Variants in NPLOC4 observed in about 807,000 individuals in gnomAD.
The protein encoded by NPLOC4 is nuclear protein localization protein 4 homolog.
NPLOC4 carries 18 observed loss-of-function variants against 80.6 expected under a neutral mutation model. The ratio of observed to expected loss-of-function variants is 0.22; its 90% CI spans 0.15 to 0.33. The LOEUF is 0.33. Ranked by LOEUF, NPLOC4 falls within the 10% of genes least tolerant of loss-of-function variation. The probability of loss-of-function intolerance (pLI) is 1.00; values close to 1 mark genes in which losing one functional copy is unlikely to be tolerated. For synonymous variants in NPLOC4, 313 were observed against 301.5 expected, an observed-to-expected ratio of 1.04 and a Z score of -0.39; for missense variants, 540 against 786.1, an observed-to-expected ratio of 0.69 and a Z score of 3.74.
chr17:81,613,138 AAC>A, intron 4 of NPLOC4, 178 bp downstream of exon 4: 2 of 557,110 alleles, frequency 3.6e-6, no homozygotes, highest in East Asian at 3.6e-5. Context: ...AAAAAAAAAA[AAC>A]AAAAACCGAT....
At position 81,557,366 on chromosome 17, in the gene NPLOC4, T is replaced by TA. The variant is rs1401755347; in HGVS notation, c.*1892dup. The TA allele has an allele frequency of 6.6e-6, 1 of 152,486 alleles. No individual in the cohort carries two copies. Among genetic ancestry groups the TA allele is most frequent in the East Asian group, 1.9e-4 (1 of 5,200 alleles). The allele number at this position is 152,486 out of a possible 1,614,324, so 9.4% of individuals were successfully genotyped here. ...AGACAAATCGCCAATGCTTTTCCTTTAGCTAAAAGACAAAAGAAAACATGA... is the reference window on the plus strand; with the variant it reads ...AGACAAATCGCCAATGCTTTTCCTTTAAGCTAAAAGACAAAAGAAAACATGA... On this transcript the variant is annotated 3_prime_UTR_variant, in exon 17 of 17. Transcript: ENST00000331134.
intron 11 of NPLOC4, 26 bp from the exon 12 acceptor site, chr17:81,589,130 A>G: frequency 1.2e-6 from 2 of 1,602,010 alleles, no homozygotes; most frequent in Non-Finnish European, 1.7e-6. Flanking sequence ...CTTTAAAAAG[A>G]GTCTACCAAA....
intron 1 of NPLOC4, among the ~76,000 whole-genome samples, chr17:81,633,815 T>C (rs56835867): frequency 0.047 from 7,197 of 151,942 alleles, 296 homozygotes; most frequent in East Asian, 0.22. Flanking sequence ...AGCAATTCTC[T>C]TGCCTCAAGC....
chr17:81,629,036 A>G (rs2035867680), intron 2 of NPLOC4, among the ~76,000 whole-genome samples: 1 of 151,468 alleles, frequency 6.6e-6, no homozygotes, highest in Non-Finnish European at 1.5e-5. Flanking sequence ...CCGCCACCAC[A>G]CCCGGCTAAT....
chr17:81,610,015 G>A (rs1480365770), intron 5 of NPLOC4, among the ~76,000 whole-genome samples, 195 bp downstream of exon 5: 1 of 152,178 alleles, frequency 6.6e-6, no homozygotes, highest in Non-Finnish European at 1.5e-5. Context: ...CCAGCGAGAA[G>A]GTCACTCCCA....
chr17:81,600,524 G>T, intron 8 of NPLOC4, 97 bp from the exon 9 acceptor site: 1 of 846,240 alleles, frequency 1.2e-6, no homozygotes, highest in Non-Finnish European at 2.0e-6. Context: ...CACAAGGAGT[G>T]CTGGGGGCCT....
At chr17:81,569,267 T>C (rs1439613148) in intron 13 of NPLOC4, among the ~76,000 whole-genome samples, 156 bp from the exon 14 acceptor site, 3 of 152,264 alleles carry the variant, frequency 2.0e-5, no homozygotes. Context: ...CCGTTATCTA[T>C]TAGTGTCATC....
Position 81,637,104 on chromosome 17 carries a change from G to A in NPLOC4, c.-174C>T, listed in dbSNP as rs1339310350. On this transcript the variant is annotated 5_prime_UTR_variant, in exon 1 of 17. Transcript: ENST00000331134. ...CCAGCCGCCGACGTCCCGGTGCCTCGCTCAATACGCTCCCCTCGGGCGCGA... is the reference window on the plus strand; with the variant it reads ...CCAGCCGCCGACGTCCCGGTGCCTCACTCAATACGCTCCCCTCGGGCGCGA... 3.2e-5 allele frequency: 12 copies of A among 370,118 alleles called. No homozygotes were observed. The highest frequency in any genetic ancestry group is 5.2e-5 in the Non-Finnish European group (11 of 210,714). 22.9% of individuals were successfully genotyped at this position (370,118 alleles called of 1,614,324 possible).
Position 81,628,935 on chromosome 17 carries a change from G to C in NPLOC4, c.96+790C>G, listed in dbSNP as rs544583162. Among the ~76,000 whole-genome samples the C allele has an allele frequency of 6.0e-5, 9 of 150,754 alleles. No homozygotes were observed. In the East Asian group the frequency reaches 1.6e-3, roughly 26 times the overall value. ...ACTCTGTCGCCCAGGCTGGAGTGCA[G>C]TGGCGCGATCTCAGCTCACTGCAAG... On this transcript the variant is annotated intron_variant, in intron 2 of 16. Transcript: ENST00000331134.
intron 13 of NPLOC4, 105 bp downstream of exon 13, chr17:81,571,912 G>T: frequency 2.9e-6 from 2 of 695,914 alleles, no homozygotes; most frequent in Non-Finnish European, 4.5e-6. Context: ...GGCAGAGGGT[G>T]CCTTAAATTG....
Position 81,572,249 on chromosome 17 carries a change from C to T in NPLOC4, c.1282-161G>A, listed in dbSNP as rs753661616. On this transcript the variant is annotated intron_variant, in intron 12 of 16. Transcript: ENST00000331134. The surrounding 1 kb of genome is among the most constrained non-coding windows in gnomAD (Gnocchi z 4.5). ...TGTCGCCCAGGCTGGAATGCAGTGG[C>T]GTGATCTCCACTCACTGCAAGCTCC... is the stretch of plus-strand genomic sequence containing the variant. The T allele has an allele frequency of 6.9e-6, 2 of 289,494 alleles. No homozygotes were observed. Among genetic ancestry groups the T allele is most frequent in the Non-Finnish European group, 6.1e-6 (1 of 164,228 alleles). The allele number at this position is 289,494 out of a possible 1,614,324, so 17.9% of individuals were successfully genotyped here.
At chr17:81,634,472 A>T (rs949119117) in intron 1 of NPLOC4, among the ~76,000 whole-genome samples, 2 of 152,212 alleles carry the variant, frequency 1.3e-5, no homozygotes, top group African/African-American at 2.4e-5. Flanking sequence ...CTTGTCTGAA[A>T]CACTTTTCAC....
intron 11 of NPLOC4, among the ~76,000 whole-genome samples, chr17:81,589,871 G>T: frequency 6.7e-6 from 1 of 149,614 alleles, no homozygotes; most frequent in African/African-American, 2.5e-5. Flanking sequence ...AAAAAAGATT[G>T]TTAAACATTG....
At chr17:81,605,356 A>G (rs2144220130) in intron 7 of NPLOC4, among the ~76,000 whole-genome samples, 1 of 151,848 alleles carries the variant, frequency 6.6e-6, no homozygotes, top group East Asian at 1.9e-4. Flanking sequence ...ATTACTTAAG[A>G]AAAAAACCAG....
intron 5 of NPLOC4, 29 bp downstream of exon 5, chr17:81,610,181 C>T: frequency 6.4e-7 from 1 of 1,561,056 alleles, no homozygotes; most frequent in Non-Finnish European, 8.7e-7. Flanking sequence ...CCCACACTGG[C>T]CCAGAACTTA....
Position 81,571,972 on chromosome 17 carries a change from G to A in NPLOC4, c.1353+45C>T, listed in dbSNP as rs377263247. ...CACCCAGCAGTCCCACCTACAAGGC[G>A]CCCAATGGGTCCACCTGCCCAAGCT... On this transcript the variant is annotated intron_variant, in intron 13 of 16. Transcript: ENST00000331134. 9.0e-5 allele frequency: 131 copies of A among 1,460,974 alleles called. No homozygotes were observed. In the African/African-American group the frequency reaches 9.0e-4, roughly 10 times the overall value. 90.5% of individuals were successfully genotyped at this position (1,460,974 alleles called of 1,614,324 possible). A position where few individuals can be genotyped will look rare whatever the true frequency, so the allele number is the denominator to read the frequency against.
chr17:81,580,677 C>T lies in NPLOC4; in HGVS notation c.1281+8267G>A, dbSNP rs904038717. Among the ~76,000 whole-genome samples, 2 of 152,234 alleles carry T rather than the reference C, an allele frequency of 1.3e-5. No homozygotes were observed. The highest frequency in any genetic ancestry group is 2.9e-5 in the Non-Finnish European group (2 of 68,036). On this transcript the variant is annotated intron_variant, in intron 12 of 16. Coordinates refer to ENST00000331134, the MANE Select transcript of NPLOC4 (RefSeq NM_017921.4). The surrounding 1 kb of genome is among the most constrained non-coding windows in gnomAD (Gnocchi z 4.4). ...ACCCACCAGGGCACTCCAAGCTTCT[C>T]TACCCGTTCCGCTGGGGTGGCCCAC...
chr17:81,565,443 CAG>C (rs2033981392), intron 16 of NPLOC4, 60 bp downstream of exon 16: 1 of 1,348,602 alleles, frequency 7.4e-7, no homozygotes, highest in Non-Finnish European at 1.0e-6. Context: ...GGGAGCTGTG[CAG>C]AGTGGGCTGC....
intron 16 of NPLOC4, among the ~76,000 whole-genome samples, chr17:81,560,345 G>A (rs1389671963): frequency 6.6e-5 from 10 of 152,124 alleles, no homozygotes; most frequent in East Asian, 1.9e-4. Flanking sequence ...CCCGGGAGGG[G>A]AAGCCTGCAG....
Sources: allele counts gnomAD v4.1 joint callset (sites outside exome capture counted in the v4.1 genomes callset), GRCh38; gene constraint gnomAD v4.1.1; non-coding constraint Gnocchi (gnomAD v3.1); transcripts MANE v1.5; gene names NCBI Gene and HGNC (gene_info 2026-07-23, HGNC 2026-07-21).